The following IFT52 variants were observed in gnomAD, a reference collection of about 807,000 sequenced individuals.
The protein encoded by IFT52 is intraflagellar transport protein 52 homolog.
A neutral mutation model predicts 54.4 loss-of-function variants in IFT52; 44 were observed. That is an observed-to-expected ratio of 0.81 (90% CI 0.63 to 1.04). The LOEUF (loss-of-function observed/expected upper bound fraction) is 1.04. Ranked by LOEUF, IFT52 falls within the 50% of genes least tolerant of loss-of-function variation. The pLI is 0.00. For synonymous variants in IFT52, 181 were observed against 185.3 expected (o/e 0.98, Z 0.19); for missense variants, 452 against 523.6 (o/e 0.86, Z 1.33).
At chr20:43,598,392 A>C (rs1452582375) in intron 3 of IFT52, among the ~76,000 whole-genome samples, 1 of 152,136 alleles carries the variant, frequency 6.6e-6, no homozygotes, top group African/African-American at 2.4e-5. Flanking sequence ...CAGTGTGAGT[A>C]TATTTAATAC....
chr20:43,614,532 T>A (rs1467392053), intron 7 of IFT52, among the ~76,000 whole-genome samples: 6 of 136,174 alleles, frequency 4.4e-5, no homozygotes, highest in African/African-American at 1.4e-4. Flanking sequence ...TTAAAATAAC[T>A]TTTTTTTTTT....
At chr20:43,643,105 TGTG>T (rs952241084) in intron 13 of IFT52, among the ~76,000 whole-genome samples, 1 of 150,494 alleles carries the variant, frequency 6.6e-6, no homozygotes, top group African/African-American at 2.4e-5. Flanking sequence ...AGGCAGAGGT[TGTG>T]GTGAGCTGAG....
chr20:43,640,890 G>T (rs1033067119), intron 12 of IFT52, among the ~76,000 whole-genome samples: 2 of 152,006 alleles, frequency 1.3e-5, no homozygotes, highest in Non-Finnish European at 2.9e-5. Context: ...AATCAGCCAG[G>T]CGTGGTGGTA....
rs367777849 is a variant in IFT52 at position 43,605,863 on chromosome 20, A to T, written c.485+790A>T. The stretch of plus-strand genomic sequence containing the variant: ...ATGACTACTCTGTGTCAGAACTTAG[A>T]TGCAAACATAGGCAGTCTATTCTAG... On this transcript the variant is annotated intron_variant, in intron 6 of 13. Transcript: ENST00000373030. 6.6e-4 allele frequency among the ~76,000 whole-genome samples: 100 copies of T among 152,288 alleles called. 2 individuals are homozygous for T. In the South Asian group the frequency reaches 0.021, roughly 31 times the overall value.
chr20:43,625,957 G>A (rs978682903), intron 10 of IFT52, among the ~76,000 whole-genome samples: 2 of 143,930 alleles, frequency 1.4e-5, no homozygotes, highest in Non-Finnish European at 3.0e-5. Context: ...GATTGCTTGG[G>A]CCCCAAAGGT....
intron 3 of IFT52, among the ~76,000 whole-genome samples, chr20:43,601,279 G>A (rs916332257): frequency 1.3e-5 from 2 of 151,986 alleles, no homozygotes; most frequent in African/African-American, 4.8e-5. Flanking sequence ...ATCCAGTCTC[G>A]ATTACAGGAA....
chr20:43,604,104 A>G lies in IFT52; in HGVS notation c.338-79A>G, dbSNP rs957362657. ...GGAACCAAGTTCCAGGGTGCCCTTC[A>G]GGTCAAAATTGGTATGAGTCTATAA... On this transcript the variant is annotated intron_variant, in intron 4 of 13. Transcript: ENST00000373030. The G allele has an allele frequency of 6.6e-6, 8 of 1,209,702 alleles. No individual in the cohort carries two copies. In the African/African-American group the frequency reaches 9.0e-5, roughly 14 times the overall value. 74.9% of individuals were successfully genotyped at this position (1,209,702 alleles called of 1,614,324 possible). A position where few individuals can be genotyped will look rare whatever the true frequency, so the allele number is the denominator to read the frequency against.
At chr20:43,622,768 T>TG in intron 9 of IFT52, among the ~76,000 whole-genome samples, 1 of 107,412 alleles carries the variant, frequency 9.3e-6, no homozygotes, top group Non-Finnish European at 1.8e-5. Context: ...TATATACAAA[T>TG]TGTGTGTAAA....
At chr20:43,623,573 T>C (rs1029565947) in intron 9 of IFT52, among the ~76,000 whole-genome samples, 9 of 152,210 alleles carry the variant, frequency 5.9e-5, no homozygotes, top group African/African-American at 2.2e-4. Flanking sequence ...AGTTGATTGC[T>C]GAGCGCTCAA....
chr20:43,593,694 C>T (rs1347556527), intron 1 of IFT52, among the ~76,000 whole-genome samples: 3 of 152,050 alleles, frequency 2.0e-5, no homozygotes, highest in Non-Finnish European at 2.9e-5. Flanking sequence ...CTCAGCCTCC[C>T]GAATAGCTGG....
chr20:43,595,316 C>CAAAAAAAAA (rs34012263), intron 2 of IFT52, among the ~76,000 whole-genome samples: 28 of 62,916 alleles, frequency 4.5e-4, no homozygotes, highest in African/African-American at 1.8e-3. Context: ...GACTCCGTCT[C>CAAAAAAAAA]AAAAAAAAAA....
intron 10 of IFT52, among the ~76,000 whole-genome samples, chr20:43,631,730 T>C (rs960836414): frequency 1.3e-5 from 2 of 152,158 alleles, no homozygotes; most frequent in Non-Finnish European, 2.9e-5. Context: ...ACTGATCCTC[T>C]GCTGGAGTCA....
At chr20:43,639,221 T>C (rs1985744653) in intron 12 of IFT52, among the ~76,000 whole-genome samples, 1 of 128,352 alleles carries the variant, frequency 7.8e-6, no homozygotes. Flanking sequence ...CTGGGTCACA[T>C]AGACCCCATC....
chr20:43,646,519 G>A (rs776728362), intron 13 of IFT52, among the ~76,000 whole-genome samples: 9 of 152,152 alleles, frequency 5.9e-5, no homozygotes, highest in East Asian at 1.9e-4. Flanking sequence ...GGCAGTTACC[G>A]TGGTCTAAGT....
chr20:43,606,093 C>T (rs943017186), intron 6 of IFT52, among the ~76,000 whole-genome samples: 11 of 151,836 alleles, frequency 7.2e-5, no homozygotes, highest in East Asian at 2.0e-4. Context: ...TGGTAGTGGG[C>T]GCCTATAATC....
chr20:43,598,780 TCA>T (rs1238946079), intron 3 of IFT52, among the ~76,000 whole-genome samples: 44 of 152,170 alleles, frequency 2.9e-4, no homozygotes, highest in Admixed American at 2.9e-3. Flanking sequence ...GTGTGTTTTT[TCA>T]CAGTCAATAA....
chr20:43,599,776 C>T (rs966687513), intron 3 of IFT52, among the ~76,000 whole-genome samples: 2 of 152,118 alleles, frequency 1.3e-5, no homozygotes, highest in African/African-American at 4.8e-5. Context: ...AACAGTCTTT[C>T]CTTATTTCCA....
At chr20:43,602,205 GC>G (rs978879221) in intron 3 of IFT52, among the ~76,000 whole-genome samples, 1 of 150,012 alleles carries the variant, frequency 6.7e-6, no homozygotes, top group Non-Finnish European at 1.5e-5. Context: ...TTGCTCTGTC[GC>G]CAGGCTGGAG....
intron 2 of IFT52, among the ~76,000 whole-genome samples, chr20:43,595,807 A>T (rs1981911677): frequency 6.6e-6 from 1 of 151,990 alleles, no homozygotes; most frequent in Admixed American, 6.6e-5. Context: ...AATCCCTTGA[A>T]CCCAGGAAGT....
Sources: gnomAD v4.1 joint callset for allele counts (sites outside exome capture counted in the v4.1 genomes callset) on GRCh38, gnomAD v4.1.1 for gene constraint, MANE v1.5 for transcripts, NCBI Gene and HGNC (gene_info 2026-07-23, HGNC 2026-07-21) for gene names.